UBXN8: variants seen among roughly 807,000 people sequenced by gnomAD.
UBXN8 encodes the protein UBX domain protein 8, also known as UBX domain-containing protein 8.
In UBXN8, 27 loss-of-function variants were observed where a neutral mutation model predicts 32.1. That is an observed-to-expected ratio of 0.84 (90% CI 0.62 to 1.16). UBXN8 has a LOEUF of 1.16. Ranked by LOEUF, UBXN8 falls within the 50% of genes most tolerant of loss-of-function variation. UBXN8 has a pLI of 0.00. For missense variants in UBXN8, 306 were observed against 311.4 expected (o/e 0.98, Z 0.13); for synonymous variants, 109 against 111.8 (o/e 0.98, Z 0.16).
Position 30,766,515 on chromosome 8 carries a change from A to C in UBXN8, c.*121A>C. On this transcript the variant is annotated 3_prime_UTR_variant, in exon 8 of 8. Transcript: ENST00000265616. Reference sequence around the variant, plus strand: ...TTGAGCTCATGGCAGTAAACTTTGAACATTGATATCCATGGGAATAGGATT... The same window carrying C: ...TTGAGCTCATGGCAGTAAACTTTGACCATTGATATCCATGGGAATAGGATT... 1 of 1,002,756 alleles carries C rather than the reference A, an allele frequency of 1.0e-6. No homozygotes were observed. 62.1% of individuals were successfully genotyped at this position (1,002,756 alleles called of 1,614,324 possible).
chr8:30,742,612 G>A (rs746286984), upstream of UBXN8, among the ~76,000 whole-genome samples: 2 of 152,128 alleles, frequency 1.3e-5, no homozygotes, highest in African/African-American at 4.8e-5. Flanking sequence ...AAAGTGCTGA[G>A]AATACAGGAG....
At chr8:30,750,397 C>A (rs985301827) in intron 1 of UBXN8, among the ~76,000 whole-genome samples, 3 of 152,032 alleles carry the variant, frequency 2.0e-5, no homozygotes, top group Non-Finnish European at 2.9e-5. Context: ...CTCCTTGAGC[C>A]CCAGGAGGTT....
chr8:30,738,828 C>T (rs536035614), intron 1 of UBXN8, among the ~76,000 whole-genome samples: 4 of 150,996 alleles, frequency 2.6e-5, no homozygotes, highest in South Asian at 2.2e-4. Context: ...TGGTGGCGGG[C>T]GCCTGTAATC....
upstream of UBXN8, among the ~76,000 whole-genome samples, chr8:30,743,991 T>C (rs1805280847): frequency 2.0e-5 from 3 of 152,234 alleles, no homozygotes; most frequent in Non-Finnish European, 4.4e-5. Context: ...ACGACTTGCC[T>C]TTCTTCTGAA....
At chr8:30,760,064 CTTT>C (rs35456214) in intron 5 of UBXN8, among the ~76,000 whole-genome samples, 1 of 134,988 alleles carries the variant, frequency 7.4e-6, no homozygotes. Context: ...ATTTTCTTTT[CTTT>C]TTTTTTTTTT....
chr8:30,760,867 C>T, intron 5 of UBXN8, 21 bp from the exon 6 acceptor site: 2 of 1,503,516 alleles, frequency 1.3e-6, no homozygotes, highest in African/African-American at 2.8e-5. Context: ...TTACATTCCT[C>T]TTACCAATAC....
chr8:30,746,584 G>A (rs1394334230), intron 1 of UBXN8, among the ~76,000 whole-genome samples: 1 of 132,656 alleles, frequency 7.5e-6, no homozygotes, highest in Non-Finnish European at 1.6e-5. Context: ...GTGCAGTGGT[G>A]CAGTCTCAGC....
intron 5 of UBXN8, among the ~76,000 whole-genome samples, chr8:30,757,632 G>A (rs913499192): frequency 6.6e-6 from 1 of 151,620 alleles, no homozygotes; most frequent in African/African-American, 2.4e-5. Flanking sequence ...AGGCCGAGGT[G>A]GGTGGATCAC....
chr8:30,753,000 G>A (rs556026252), intron 2 of UBXN8, 35 bp from the exon 3 acceptor site: 2 of 1,483,856 alleles, frequency 1.3e-6, no homozygotes, highest in South Asian at 2.8e-5. Flanking sequence ...AGATACTTGG[G>A]AAGTAAAAAG....
intron 1 of UBXN8, among the ~76,000 whole-genome samples, chr8:30,734,649 C>T (rs1337135947): frequency 6.6e-6 from 1 of 151,932 alleles, no homozygotes; most frequent in Non-Finnish European, 1.5e-5. Flanking sequence ...CTTTCAAACA[C>T]TAGAGGATGC....
In UBXN8 at chr8:30,766,304, T is replaced by C. The variant is rs1806003886; in HGVS notation, c.723T>C (p.Pro241=). The change falls in exon 8 of 8, where the codon CCT becomes CCC. Residue 241 remains proline, a synonymous_variant. Transcript: ENST00000265616. ...TTTCTACTTCCTTTCCCAGACGGCC[T>C]CTGGCAGTGGAGGGAGGCCAGTCGC... ...YSLSTSFPRR[P]LAVEGGQSLE... 1.4e-5 allele frequency: 23 copies of C among 1,613,808 alleles called. 1 individual carries two copies. The highest frequency in any genetic ancestry group is 1.9e-5 in the Non-Finnish European group (23 of 1,179,840).
chr8:30,763,616 A>C (rs2956011), intron 7 of UBXN8, among the ~76,000 whole-genome samples: 152,052 of 152,358 alleles, frequency 1, 75,875 homozygotes, highest in Non-Finnish European at 1. Context: ...TCATTACATT[A>C]TCATAATTTG....
chr8:30,752,337 TCC>T (rs1482835037), intron 2 of UBXN8, among the ~76,000 whole-genome samples: 1 of 151,878 alleles, frequency 6.6e-6, no homozygotes, highest in Admixed American at 6.6e-5. Context: ...TGAGACAGAG[TCC>T]CGCTCTGTCA....
intron 1 of UBXN8, among the ~76,000 whole-genome samples, chr8:30,749,798 G>C (rs989401296): frequency 6.6e-6 from 1 of 151,790 alleles, no homozygotes; most frequent in Non-Finnish European, 1.5e-5. Flanking sequence ...TTAGAGACAG[G>C]GTTTCACCGT....
chr8:30,763,420 G>A lies in UBXN8; in HGVS notation c.645+73G>A, dbSNP rs553534413. ...CAGTAGTTTATTCACATGCCGTGGGGGAAGGTGTGATCACACTGTCATCTG... is the reference window on the plus strand; with the variant it reads ...CAGTAGTTTATTCACATGCCGTGGGAGAAGGTGTGATCACACTGTCATCTG... On this transcript the variant is annotated intron_variant, in intron 7 of 7. Coordinates refer to ENST00000265616, the MANE Select transcript of UBXN8 (RefSeq NM_005671.4). 136 of 1,421,636 alleles carry A rather than the reference G, an allele frequency of 9.6e-5. No homozygotes were observed. The African/African-American group carries it at 1.4e-3, about 15-fold the overall frequency. 88.1% of individuals were successfully genotyped at this position (1,421,636 alleles called of 1,614,324 possible).
Position 30,756,867 on chromosome 8 carries a change from G to GAAC in UBXN8, c.510_512dup (p.Gln171dup), listed in dbSNP as rs1363755184. On this transcript the variant is annotated inframe_insertion, in exon 5 of 8. Transcript: ENST00000265616. The stretch of plus-strand genomic sequence containing the variant: ...TTTAACTGAATTTCCGTCTCCTGCT[G>GAAC]AACAGCCCACATGCAAGGAGGTAAA... The GAAC allele has an allele frequency of 1.2e-6, 2 of 1,613,862 alleles. No homozygotes were observed. Among genetic ancestry groups the GAAC allele is most frequent in the African/African-American group, 2.7e-5 (2 of 74,922 alleles).
At chr8:30,757,329 C>A (rs1805689054) in intron 5 of UBXN8, among the ~76,000 whole-genome samples, 1 of 150,198 alleles carries the variant, frequency 6.7e-6, no homozygotes, top group African/African-American at 2.5e-5. Context: ...GCAGGCAGAT[C>A]ACCTGAGGTC....
rs1466441585 is a variant in UBXN8, at chr8:30,747,900, T to C, written c.89-3496T>C. ...TTTTTAATATATATTTTTTCTTTTT[T>C]TTTTTTTTTTTTTTTTTTGCTACCT... On this transcript the variant is annotated intron_variant, in intron 1 of 7. Transcript: ENST00000265616. Among the ~76,000 whole-genome samples the C allele has an allele frequency of 1.3e-4, 15 of 113,436 alleles. 2 individuals carry two copies. Among genetic ancestry groups the C allele is most frequent in the East Asian group, 6.6e-4 (3 of 4,572 alleles). 74.4% of individuals were successfully genotyped at this position (113,436 alleles called of 152,430 possible).
chr8:30,741,992 A>G (rs145311887), upstream of UBXN8, among the ~76,000 whole-genome samples: 166 of 152,242 alleles, frequency 1.1e-3, 5 homozygotes, highest in East Asian at 0.026. Context: ...AATATGGAAG[A>G]CCAGGGAGGA....
Sources: allele counts gnomAD v4.1 joint callset (sites outside exome capture counted in the v4.1 genomes callset), GRCh38; gene constraint gnomAD v4.1.1; transcripts MANE v1.5; gene names NCBI Gene and HGNC (gene_info 2026-07-23, HGNC 2026-07-21).